NRXN3: variants seen among roughly 807,000 people sequenced by gnomAD.
The protein encoded by NRXN3 is neurexin III.
A neutral mutation model predicts 137.6 loss-of-function variants in NRXN3; 32 were observed. The ratio of observed to expected loss-of-function variants is 0.23; its 90% CI spans 0.18 to 0.31. The LOEUF (loss-of-function observed/expected upper bound fraction) is 0.31. NRXN3 is among the 10% of genes least tolerant of loss of function. The pLI is 1.00. For missense variants in NRXN3, 1,574 were observed against 2,062.5 expected, an observed-to-expected ratio of 0.76 and a Z score of 4.59; for synonymous variants, 798 against 784.5, an observed-to-expected ratio of 1.02 and a Z score of -0.29.
rs138074570 is a variant in NRXN3 at position 78,534,460 on chromosome 14, T to A, written c.758-110660T>A. Among the ~76,000 whole-genome samples the A allele has an allele frequency of 7.9e-4, 121 of 152,362 alleles. No individual in the cohort carries two copies. The East Asian group carries it at 0.018, about 23-fold the overall frequency. On this transcript the variant is annotated intron_variant, in intron 4 of 20. Coordinates refer to ENST00000335750, the MANE Select transcript of NRXN3 (RefSeq NM_001330195.2). ...TCATAATCATATTCAGAAAGTGGAA[T>A]GAGTGTGCATCTGAATGGCTGCCCA...
At chr14:79,479,305 T>A (rs534476892) in intron 16 of NRXN3, among the ~76,000 whole-genome samples, 2 of 152,200 alleles carry the variant, frequency 1.3e-5, no homozygotes, top group South Asian at 4.1e-4. Flanking sequence ...ATGTTAGCCA[T>A]TTTGTGTCTA....
At chr14:78,971,036 GA>G (rs1323242097) in intron 14 of NRXN3, among the ~76,000 whole-genome samples, 2 of 152,240 alleles carry the variant, frequency 1.3e-5, no homozygotes, top group Non-Finnish European at 2.9e-5. Context: ...AAGTGGCCAG[GA>G]AAAATGGCCC....
chr14:78,583,228 A>G (rs1311165938), intron 4 of NRXN3, among the ~76,000 whole-genome samples: 1 of 152,296 alleles, frequency 6.6e-6, no homozygotes, highest in African/African-American at 2.4e-5. Context: ...ATATAGAAGT[A>G]AGACTTTTTC....
chr14:78,440,598 G>T (rs1383896851), intron 4 of NRXN3, among the ~76,000 whole-genome samples: 1 of 152,176 alleles, frequency 6.6e-6, no homozygotes, highest in Non-Finnish European at 1.5e-5. Flanking sequence ...GAAGGCCAGA[G>T]TCAGTGTTCA....
intron 14 of NRXN3, chr14:78,972,856 G>T (rs1017909007): frequency 6.6e-6 from 1 of 152,162 alleles, no homozygotes; most frequent in Non-Finnish European, 1.5e-5. Context: ...TATTGTTTTC[G>T]CTTTTTCTGT....
chr14:79,732,149 G>T (rs1003665554), intron 19 of NRXN3, among the ~76,000 whole-genome samples: 2 of 151,810 alleles, frequency 1.3e-5, no homozygotes, highest in Non-Finnish European at 2.9e-5. Flanking sequence ...TTTTTTAAGA[G>T]ACATGGAGAA....
chr14:79,608,643 T>C (rs1269666865), intron 16 of NRXN3, among the ~76,000 whole-genome samples: 1 of 152,198 alleles, frequency 6.6e-6, no homozygotes, highest in African/African-American at 2.4e-5. Flanking sequence ...GGCCTGGCAA[T>C]GGCTGTGGTC....
In NRXN3 at chr14:79,670,748, C is replaced by A. The variant is rs187434846; in HGVS notation, c.3616+6799C>A. Among the ~76,000 whole-genome samples, 265 of 152,202 alleles carry A rather than the reference C, an allele frequency of 1.7e-3. 1 individual carries two copies. The highest frequency in any genetic ancestry group is 5.9e-3 in the African/African-American group (245 of 41,550). ...GTTCTGTCTTAGAAAGTGGAAAGTT[C>A]TTTGAATACCTTAAAGCATTGCATG... On this transcript the variant is annotated intron_variant, in intron 17 of 20. Coordinates refer to ENST00000335750, the MANE Select transcript of NRXN3 (RefSeq NM_001330195.2).
chr14:79,060,239 C>T, intron 15 of NRXN3, among the ~76,000 whole-genome samples: 1 of 152,162 alleles, frequency 6.6e-6, no homozygotes, highest in African/African-American at 2.4e-5. Context: ...AGCCAAGAAG[C>T]CTTAAGATAA....
At chr14:78,224,149 G>T (rs1304733606) in intron 1 of NRXN3, among the ~76,000 whole-genome samples, 1 of 150,040 alleles carries the variant, frequency 6.7e-6, no homozygotes, top group South Asian at 2.1e-4. Flanking sequence ...TCTTAGCTTG[G>T]CATCCAGGAC....
At chr14:79,557,883 A>T (rs928207524) in intron 16 of NRXN3, among the ~76,000 whole-genome samples, 1 of 152,090 alleles carries the variant, frequency 6.6e-6, no homozygotes, top group Admixed American at 6.6e-5. Flanking sequence ...CATTTTCTAA[A>T]TTTATTTCAA....
At chr14:78,360,895 A>C (rs939152602) in intron 4 of NRXN3, among the ~76,000 whole-genome samples, 2 of 152,308 alleles carry the variant, frequency 1.3e-5, no homozygotes, top group Admixed American at 6.5e-5. Flanking sequence ...GTTTAAAGCC[A>C]TAAACCTCAA....
chr14:79,749,379 CAAA>C (rs1415877739), intron 19 of NRXN3, among the ~76,000 whole-genome samples: 1 of 151,288 alleles, frequency 6.6e-6, no homozygotes, highest in Non-Finnish European at 1.5e-5. Context: ...GCAGATAATC[CAAA>C]AAAGCAACTG....
chr14:79,705,562 C>T (rs1356637575), intron 19 of NRXN3, among the ~76,000 whole-genome samples: 2 of 151,288 alleles, frequency 1.3e-5, no homozygotes, highest in South Asian at 4.1e-4. Flanking sequence ...AGCAAACCCC[C>T]GTTAAATCTT....
intron 15 of NRXN3, among the ~76,000 whole-genome samples, chr14:79,271,578 C>T (rs1466994034): frequency 3.3e-5 from 5 of 150,128 alleles, no homozygotes; most frequent in African/African-American, 9.8e-5. Context: ...TCCCTTCCCT[C>T]CCTTCCTCTT....
At chr14:78,812,892 A>G (rs1291528634) in intron 10 of NRXN3, among the ~76,000 whole-genome samples, 3 of 152,258 alleles carry the variant, frequency 2.0e-5, no homozygotes, top group Non-Finnish European at 4.4e-5. Context: ...GAAATAATAC[A>G]GTGCTCAATG....
At chr14:78,566,469 G>A (rs1456320140) in intron 4 of NRXN3, among the ~76,000 whole-genome samples, 2 of 151,836 alleles carry the variant, frequency 1.3e-5, no homozygotes, top group African/African-American at 4.8e-5. Context: ...AGAGGTTTAA[G>A]TGTGCTGGGG....
chr14:79,373,391 C>A (rs1015572207), intron 15 of NRXN3, among the ~76,000 whole-genome samples: 3 of 152,050 alleles, frequency 2.0e-5, no homozygotes, highest in African/African-American at 7.2e-5. Context: ...AGCTGCTGAA[C>A]AATATGTAAT....
intron 4 of NRXN3, among the ~76,000 whole-genome samples, chr14:78,511,244 G>A (rs995026048): frequency 1.3e-5 from 2 of 152,260 alleles, no homozygotes; most frequent in East Asian, 1.9e-4. Flanking sequence ...GGGACATTGG[G>A]CGTGTTTTAA....
Sources: gnomAD v4.1 joint callset for allele counts (sites outside exome capture counted in the v4.1 genomes callset) on GRCh38, gnomAD v4.1.1 for gene constraint, MANE v1.5 for transcripts, NCBI Gene and HGNC (gene_info 2026-07-23, HGNC 2026-07-21) for gene names.